Variants in KIAA0825 observed in about 807,000 individuals in gnomAD.
KIAA0825 encodes the protein uncharacterized protein KIAA0825.
A neutral mutation model predicts 147.6 loss-of-function variants in KIAA0825; 119 were observed. The observed-to-expected ratio is 0.81, with a 90% confidence interval of 0.69 to 0.94. KIAA0825 has a LOEUF of 0.94. Among genes scored for constraint, KIAA0825 ranks in the 40% least tolerant of loss-of-function variants. The pLI, the probability that KIAA0825 is intolerant of heterozygous loss-of-function variation, is 0.00. For missense variants in KIAA0825, 1,381 were observed against 1,472.7 expected, an observed-to-expected ratio of 0.94 and a Z score of 1.02; for synonymous variants, 470 against 518.1, an observed-to-expected ratio of 0.91 and a Z score of 1.26.
chr5:94,195,984 C>T (rs1455698782), intron 20 of KIAA0825, among the ~76,000 whole-genome samples: 2 of 152,170 alleles, frequency 1.3e-5, no homozygotes, highest in East Asian at 3.9e-4. Flanking sequence ...ATGGCCAGCA[C>T]CTGCATCTCT....
chr5:94,356,786 G>A (rs1461691544), intron 20 of KIAA0825, among the ~76,000 whole-genome samples: 1 of 138,578 alleles, frequency 7.2e-6, no homozygotes, highest in Non-Finnish European at 1.5e-5. Context: ...GTACAATGGT[G>A]TGATCTTGGC....
chr5:94,355,610 T>C (rs1366553550), intron 20 of KIAA0825, among the ~76,000 whole-genome samples: 1 of 152,198 alleles, frequency 6.6e-6, no homozygotes, highest in Non-Finnish European at 1.5e-5. Flanking sequence ...TAAAAGATTA[T>C]GCCTTACAAT....
chr5:94,592,400 G>A (rs970203255), intron 1 of KIAA0825, among the ~76,000 whole-genome samples: 1 of 152,116 alleles, frequency 6.6e-6, no homozygotes, highest in African/African-American at 2.4e-5. Flanking sequence ...CTTCTGCAGT[G>A]CATGCTGCTC....
intron 1 of KIAA0825, among the ~76,000 whole-genome samples, chr5:94,591,792 G>A (rs528057880): frequency 3.9e-5 from 6 of 152,218 alleles, no homozygotes; most frequent in African/African-American, 4.8e-5. Flanking sequence ...AGTTCCACAC[G>A]GCTGGGGAGG....
chr5:94,371,378 G>A (rs575456147), intron 20 of KIAA0825, among the ~76,000 whole-genome samples: 4 of 152,158 alleles, frequency 2.6e-5, no homozygotes, highest in East Asian at 1.9e-4. Flanking sequence ...CCATTCTTAC[G>A]CTGCTATAGG....
intron 20 of KIAA0825, among the ~76,000 whole-genome samples, chr5:94,212,807 G>C (rs1184078597): frequency 6.6e-6 from 1 of 152,166 alleles, no homozygotes; most frequent in Non-Finnish European, 1.5e-5. Context: ...TTTCTACCCT[G>C]AGGGACTCAC....
chr5:94,181,751 A>G (rs987316845), intron 20 of KIAA0825, among the ~76,000 whole-genome samples: 3 of 152,346 alleles, frequency 2.0e-5, no homozygotes, highest in Middle Eastern at 3.4e-3. Flanking sequence ...GAGAAGAGTA[A>G]AACAGCAATT....
At chr5:94,570,261 C>T (rs565700638) in intron 2 of KIAA0825, 1 of 152,992 alleles carries the variant, frequency 6.5e-6, no homozygotes, top group South Asian at 2.1e-4. Context: ...ACCCTATTAA[C>T]ACTAGTACTA....
intron 5 of KIAA0825, among the ~76,000 whole-genome samples, chr5:94,486,717 C>A (rs1033317443): frequency 6.6e-6 from 1 of 152,058 alleles, no homozygotes; most frequent in African/African-American, 2.4e-5. Context: ...AAATATTATG[C>A]CCCAAAATGA....
chr5:94,201,998 G>C (rs1052607982), intron 20 of KIAA0825, among the ~76,000 whole-genome samples: 3 of 152,152 alleles, frequency 2.0e-5, no homozygotes, highest in African/African-American at 7.2e-5. Flanking sequence ...GGGGATGATG[G>C]GTAGAGGATG....
chr5:94,454,891 T>G (rs755576892), intron 12 of KIAA0825, among the ~76,000 whole-genome samples: 19 of 152,126 alleles, frequency 1.2e-4, no homozygotes, highest in Non-Finnish European at 2.1e-4. Flanking sequence ...CATGTTAAAT[T>G]CACAGAACGA....
intron 20 of KIAA0825, among the ~76,000 whole-genome samples, chr5:94,282,147 G>A (rs961155591): frequency 2.0e-5 from 3 of 152,044 alleles, no homozygotes; most frequent in African/African-American, 7.2e-5. Context: ...TTTAGAATCA[G>A]AGTTTTTTTA....
At chr5:94,404,957 C>T (rs1751856593) in intron 15 of KIAA0825, among the ~76,000 whole-genome samples, 1 of 152,074 alleles carries the variant, frequency 6.6e-6, no homozygotes, top group Non-Finnish European at 1.5e-5. Flanking sequence ...TCACCTTCCA[C>T]GACTGTATTT....
chr5:94,495,415 C>T (rs1428274323), intron 5 of KIAA0825, among the ~76,000 whole-genome samples: 1 of 152,192 alleles, frequency 6.6e-6, no homozygotes. Flanking sequence ...TCTTTTTCCT[C>T]CAAAGGCCTA....
At chr5:94,232,579 GT>G (rs1774782229) in intron 20 of KIAA0825, among the ~76,000 whole-genome samples, 1 of 151,950 alleles carries the variant, frequency 6.6e-6, no homozygotes, top group African/African-American at 2.4e-5. Context: ...TTCAACTGTT[GT>G]TTTTCAGGTT....
At chr5:94,566,643 T>C (rs2152311095) in intron 2 of KIAA0825, among the ~76,000 whole-genome samples, 1 of 152,224 alleles carries the variant, frequency 6.6e-6, no homozygotes, top group East Asian at 1.9e-4. Flanking sequence ...AATATGACTA[T>C]TCTTTTTATA....
intron 20 of KIAA0825, among the ~76,000 whole-genome samples, chr5:94,250,381 A>G (rs887725755): frequency 3.9e-5 from 6 of 152,148 alleles, no homozygotes; most frequent in African/African-American, 1.4e-4. Flanking sequence ...TACTGTTGAA[A>G]ACAGAATATA....
At chr5:94,191,088 A>G in intron 20 of KIAA0825, among the ~76,000 whole-genome samples, 1 of 152,316 alleles carries the variant, frequency 6.6e-6, no homozygotes, top group South Asian at 2.1e-4. Context: ...ATTAAATTCC[A>G]TTAAATGAAT....
At chr5:94,508,727 G>A (rs1766082403) in intron 5 of KIAA0825, among the ~76,000 whole-genome samples, 1 of 152,106 alleles carries the variant, frequency 6.6e-6, no homozygotes, top group African/African-American at 2.4e-5. Flanking sequence ...TTCCCCTATG[G>A]ATTGCACTTA....
Sources: allele counts gnomAD v4.1 joint callset (sites outside exome capture counted in the v4.1 genomes callset), GRCh38; gene constraint gnomAD v4.1.1; transcripts MANE v1.5; gene names NCBI Gene and HGNC (gene_info 2026-07-23, HGNC 2026-07-21).